Variants in ATP8B4 observed in about 807,000 individuals in gnomAD.
The protein encoded by ATP8B4 is ATPase phospholipid transporting 8B4 (putative), also known as probable phospholipid-transporting ATPase IM.
Under a neutral mutation model 145.6 loss-of-function variants are expected in ATP8B4, and 133 were observed. The observed-to-expected ratio is 0.91, with a 90% CI of 0.79 to 1.05. ATP8B4 has a LOEUF of 1.05. ATP8B4 is among the 50% of genes least tolerant of loss of function. The probability of loss-of-function intolerance (pLI) is 0.00; values close to 1 mark genes in which losing one functional copy is unlikely to be tolerated. For synonymous variants in ATP8B4, 507 were observed against 492.9 expected (o/e 1.03, Z -0.38); for missense variants, 1,458 against 1,425.2 (o/e 1.02, Z -0.37).
chr15:50,041,362 G>A (rs2051270291), intron 5 of ATP8B4, among the ~76,000 whole-genome samples: 3 of 152,192 alleles, frequency 2.0e-5, no homozygotes, highest in Admixed American at 2.0e-4. Flanking sequence ...AAGACATAAT[G>A]AGATGTCTCA....
chr15:49,999,117 A>G (rs1420482042), intron 8 of ATP8B4, among the ~76,000 whole-genome samples: 2 of 152,092 alleles, frequency 1.3e-5, no homozygotes. Context: ...CACAATAGCA[A>G]AGACTTGGAA....
chr15:50,142,503 G>A (rs8041212), intron 1 of ATP8B4, among the ~76,000 whole-genome samples: 148 of 152,046 alleles, frequency 9.7e-4, no homozygotes, highest in African/African-American at 3.5e-3. Flanking sequence ...TTAACCCTAC[G>A]GATCTGTTTT....
chr15:49,971,759 T>C (rs1408976008), intron 13 of ATP8B4, among the ~76,000 whole-genome samples: 1 of 152,198 alleles, frequency 6.6e-6, no homozygotes, highest in Non-Finnish European at 1.5e-5. Flanking sequence ...GACCCAGCAA[T>C]TCCATTACTG....
chr15:50,096,445 G>C (rs1249992659), intron 2 of ATP8B4, among the ~76,000 whole-genome samples: 1 of 152,082 alleles, frequency 6.6e-6, no homozygotes, highest in Non-Finnish European at 1.5e-5. Context: ...ACTTAGGAAG[G>C]GTTTGAAAGG....
intron 1 of ATP8B4, among the ~76,000 whole-genome samples, chr15:50,125,985 C>A (rs1207458213): frequency 6.6e-6 from 1 of 152,032 alleles, no homozygotes; most frequent in Non-Finnish European, 1.5e-5. Flanking sequence ...TCTTTTAGGT[C>A]GATATCTGCC....
At chr15:50,081,785 C>T (rs1261441036) in intron 2 of ATP8B4, among the ~76,000 whole-genome samples, 1 of 152,238 alleles carries the variant, frequency 6.6e-6, no homozygotes, top group Non-Finnish European at 1.5e-5. Context: ...TTAACAAATA[C>T]AACAGTCTTT....
At chr15:50,168,180 T>C (rs1166513565) in intron 1 of ATP8B4, among the ~76,000 whole-genome samples, 1 of 152,154 alleles carries the variant, frequency 6.6e-6, no homozygotes, top group Non-Finnish European at 1.5e-5. Flanking sequence ...CATTCGGGAA[T>C]GAAGAGTACA....
intron 21 of ATP8B4, among the ~76,000 whole-genome samples, chr15:49,900,595 A>G (rs1308325641): frequency 2.0e-5 from 3 of 152,174 alleles, no homozygotes; most frequent in Non-Finnish European, 4.4e-5. Flanking sequence ...ATCAAAGCAA[A>G]TTGTTTGGCA....
chr15:50,049,015 CA>C (rs749514858), intron 3 of ATP8B4, among the ~76,000 whole-genome samples: 2 of 152,274 alleles, frequency 1.3e-5, no homozygotes. Context: ...AGACTTGAGA[CA>C]GGGGCAGTAA....
At chr15:50,133,337 G>C (rs908156367) in intron 1 of ATP8B4, among the ~76,000 whole-genome samples, 2 of 152,132 alleles carry the variant, frequency 1.3e-5, no homozygotes, top group African/African-American at 4.8e-5. Flanking sequence ...CTAGCACTTT[G>C]GGAAGCAAAG....
intron 14 of ATP8B4, 113 bp from the exon 15 acceptor site, chr15:49,934,295 A>T: frequency 8.4e-7 from 1 of 1,191,692 alleles, no homozygotes; most frequent in Non-Finnish European, 1.1e-6. Context: ...TGCAGCCTCA[A>T]ATGTCTGGCA....
intron 6 of ATP8B4, among the ~76,000 whole-genome samples, chr15:50,027,367 T>TGGGATGGATGGGTGGATGGATGGA (rs1218416654): frequency 3.4e-5 from 2 of 58,022 alleles, no homozygotes; most frequent in Non-Finnish European, 6.0e-5. Context: ...TATTTAAATA[T>TGGGATGGATGGGTGGATGGATGGA]GGGATGGATG....
intron 2 of ATP8B4, among the ~76,000 whole-genome samples, chr15:50,092,496 C>T (rs1350310256): frequency 1.3e-5 from 2 of 151,778 alleles, no homozygotes; most frequent in African/African-American, 2.4e-5. Flanking sequence ...AAAAAGATAA[C>T]AAGATGGAAA....
chr15:50,103,803 G>C (rs1432918084), intron 2 of ATP8B4, among the ~76,000 whole-genome samples: 2 of 152,074 alleles, frequency 1.3e-5, no homozygotes, highest in Non-Finnish European at 2.9e-5. Flanking sequence ...AACAAATCTA[G>C]AAGCATTACA....
rs564984773 is a variant in ATP8B4 at position 50,153,484 on chromosome 15, G to A, written c.-43+28777C>T. ...CTCCTGAGTAGCGGGAACTACAGGCGCCTGCCACCGTGCCCAGCTAATTTT... is the reference window on the plus strand; with the variant it reads ...CTCCTGAGTAGCGGGAACTACAGGCACCTGCCACCGTGCCCAGCTAATTTT... On this transcript the variant is annotated intron_variant, in intron 1 of 3. Transcript: ENST00000558829. 8.5e-5 allele frequency among the ~76,000 whole-genome samples: 13 copies of A among 152,156 alleles called. No individual in the cohort carries two copies. In the East Asian group the frequency reaches 1.4e-3, roughly 16 times the overall value.
chr15:50,070,513 T>C (rs1454249288), intron 3 of ATP8B4, among the ~76,000 whole-genome samples: 1 of 152,118 alleles, frequency 6.6e-6, no homozygotes, highest in Non-Finnish European at 1.5e-5. Context: ...TCCTTTTGGG[T>C]GTTCCCAAAC....
At chr15:50,040,886 T>C (rs977387946) in intron 5 of ATP8B4, among the ~76,000 whole-genome samples, 4 of 152,210 alleles carry the variant, frequency 2.6e-5, no homozygotes, top group Non-Finnish European at 4.4e-5. Flanking sequence ...CTAGCATTCA[T>C]TGTGTACTCC....
intron 1 of ATP8B4, among the ~76,000 whole-genome samples, chr15:50,157,968 G>A (rs1194079487): frequency 6.6e-6 from 1 of 152,218 alleles, no homozygotes; most frequent in East Asian, 1.9e-4. Flanking sequence ...TGTTGGCTGG[G>A]CTGGTCTCCA....
rs2041518424 is a variant in ATP8B4, at chr15:49,934,091, C to G, written c.1379G>C (p.Gly460Ala). 1.9e-6 allele frequency: 3 copies of G among 1,612,714 alleles called. No homozygotes were observed. Among genetic ancestry groups the G allele is most frequent in the Middle Eastern group, 3.3e-4 (2 of 6,068 alleles). Residue 460 changes from glycine (G) to alanine (A), a missense_variant, in exon 15 of 28, where the codon GGT becomes GCT. Coordinates refer to ENST00000284509, the MANE Select transcript of ATP8B4 (RefSeq NM_024837.4). ...DHHLMESIKMGDPKVHEFLRL... is the reference protein window; with the variant it reads ...DHHLMESIKMADPKVHEFLRL... ...AAGGAATTCATGAACTTTGGGATCA[C>G]CCATTTTAATGGATTCCATCAGATG...
Sources: gnomAD v4.1 joint callset for allele counts (sites outside exome capture counted in the v4.1 genomes callset) on GRCh38, gnomAD v4.1.1 for gene constraint, MANE v1.5 for transcripts, NCBI Gene and HGNC (gene_info 2026-07-23, HGNC 2026-07-21) for gene names.